Variants in UNC5D observed in about 807,000 individuals in gnomAD.
UNC5D encodes unc-5 netrin receptor D.
A neutral mutation model predicts 105.4 loss-of-function variants in UNC5D; 39 were observed. That is an observed-to-expected ratio of 0.37 (90% CI 0.29 to 0.48). The LOEUF (loss-of-function observed/expected upper bound fraction) is 0.48, where lower values mean the gene tolerates loss of function less well. Ranked by LOEUF, UNC5D falls within the 20% of genes least tolerant of loss-of-function variation. The probability of loss-of-function intolerance (pLI) is 0.98; values close to 1 mark genes in which losing one functional copy is unlikely to be tolerated. For missense variants in UNC5D, 991 were observed against 1,202.4 expected (o/e 0.82, Z 2.60); for synonymous variants, 452 against 450.4 (o/e 1.00, Z -0.04).
chr8:35,608,291 CA>C (rs1177670410), intron 4 of UNC5D, among the ~76,000 whole-genome samples: 1 of 152,136 alleles, frequency 6.6e-6, no homozygotes, highest in African/African-American at 2.4e-5. Context: ...TAGTTTAAAA[CA>C]GAAATTCTCG....
intron 1 of UNC5D, among the ~76,000 whole-genome samples, chr8:35,458,978 C>A (rs1034904075): frequency 7.9e-5 from 12 of 152,268 alleles, no homozygotes; most frequent in Middle Eastern, 6.8e-3. Flanking sequence ...ATAAAAACAA[C>A]TTTTCTCCTC....
intron 4 of UNC5D, among the ~76,000 whole-genome samples, chr8:35,655,772 C>G (rs1021808497): frequency 6.6e-6 from 1 of 152,110 alleles, no homozygotes; most frequent in Non-Finnish European, 1.5e-5. Flanking sequence ...TCCTTTCAGA[C>G]AGTATGGTGT....
At chr8:35,609,826 AT>A (rs1353505308) in intron 4 of UNC5D, among the ~76,000 whole-genome samples, 2 of 151,984 alleles carry the variant, frequency 1.3e-5, no homozygotes, top group African/African-American at 4.8e-5. Flanking sequence ...CTGGAAAGGG[AT>A]GTAGCTGGTG....
chr8:35,464,383 A>C (rs1809142856), intron 1 of UNC5D, among the ~76,000 whole-genome samples: 1 of 152,124 alleles, frequency 6.6e-6, no homozygotes, highest in Non-Finnish European at 1.5e-5. Flanking sequence ...TCTCTTGCCA[A>C]TAGTTTCAAA....
At chr8:35,522,428 G>T (rs146233869) in intron 1 of UNC5D, among the ~76,000 whole-genome samples, 170 of 152,202 alleles carry the variant, frequency 1.1e-3, no homozygotes, top group African/African-American at 3.8e-3. Flanking sequence ...GAACTCCAAG[G>T]GTTTATGAAG....
chr8:35,374,317 CT>C (rs1802574226), intron 1 of UNC5D, among the ~76,000 whole-genome samples: 1 of 152,098 alleles, frequency 6.6e-6, no homozygotes, highest in African/African-American at 2.4e-5. Flanking sequence ...TAAAGTTGTA[CT>C]GGTGAAAAGA....
chr8:35,736,128 C>T (rs896655271), intron 11 of UNC5D, among the ~76,000 whole-genome samples: 11 of 152,140 alleles, frequency 7.2e-5, no homozygotes, highest in Non-Finnish European at 1.6e-4. Flanking sequence ...AGGTAACACA[C>T]CCCCTCCTTC....
At chr8:35,316,896 C>T (rs1240943579) in intron 1 of UNC5D, among the ~76,000 whole-genome samples, 1 of 151,980 alleles carries the variant, frequency 6.6e-6, no homozygotes, top group African/African-American at 2.4e-5. Context: ...TTTATTTAAT[C>T]GTCGAAAGCA....
At chr8:35,436,282 C>T (rs546917934) in intron 1 of UNC5D, among the ~76,000 whole-genome samples, 46 of 151,922 alleles carry the variant, frequency 3.0e-4, no homozygotes, top group African/African-American at 1.1e-3. Context: ...TTGAAGTCTT[C>T]AGAAATATTA....
chr8:35,432,366 A>C (rs1182185535), intron 1 of UNC5D, among the ~76,000 whole-genome samples: 9 of 152,128 alleles, frequency 5.9e-5, no homozygotes, highest in African/African-American at 1.9e-4. Flanking sequence ...TAAATCAGAA[A>C]ATTATGGGAA....
chr8:35,239,484 C>T (rs1410929925), intron 1 of UNC5D, among the ~76,000 whole-genome samples: 1 of 131,016 alleles, frequency 7.6e-6, no homozygotes, highest in Non-Finnish European at 1.6e-5. Flanking sequence ...GTTTGATATC[C>T]TTCCCTTCTG....
intron 1 of UNC5D, among the ~76,000 whole-genome samples, chr8:35,503,060 C>A (rs528104126): frequency 6.6e-6 from 1 of 152,248 alleles, no homozygotes; most frequent in Admixed American, 6.5e-5. Context: ...ATCCCCAGAA[C>A]AACGGATTCA....
chr8:35,558,151 C>CCCCTTCCAA (rs1816693196), intron 2 of UNC5D, among the ~76,000 whole-genome samples: 1 of 147,678 alleles, frequency 6.8e-6, no homozygotes, highest in Admixed American at 6.9e-5. Context: ...AAAAAAGTCT[C>CCCCTTCCAA]CCCTTCCAAC....
chr8:35,443,228 G>A (rs1439836460), intron 1 of UNC5D, among the ~76,000 whole-genome samples: 1 of 151,760 alleles, frequency 6.6e-6, no homozygotes, highest in African/African-American at 2.4e-5. Context: ...GAGAACTTCT[G>A]TAAAATGTGT....
chr8:35,407,553 T>C (rs1329478011), intron 1 of UNC5D, among the ~76,000 whole-genome samples: 2 of 151,518 alleles, frequency 1.3e-5, no homozygotes, highest in African/African-American at 4.9e-5. Context: ...ATGTATTCCT[T>C]TTAAGTTCAG....
intron 1 of UNC5D, among the ~76,000 whole-genome samples, chr8:35,264,729 C>CAAAA (rs6150548): frequency 1.1e-4 from 15 of 142,552 alleles, no homozygotes; most frequent in Non-Finnish European, 1.5e-4. Context: ...GACTCTGTCT[C>CAAAA]AAAAAAAAAA....
chr8:35,435,208 G>A (rs976557026), intron 1 of UNC5D, among the ~76,000 whole-genome samples: 1 of 151,912 alleles, frequency 6.6e-6, no homozygotes, highest in Non-Finnish European at 1.5e-5. Context: ...TTGTTTTGAA[G>A]TATCTTAAAC....
At chr8:35,425,491 C>G (rs1806187395) in intron 1 of UNC5D, among the ~76,000 whole-genome samples, 2 of 152,172 alleles carry the variant, frequency 1.3e-5, no homozygotes, top group Admixed American at 1.3e-4. Flanking sequence ...CACTGCTGTG[C>G]TGGGTATACT....
intron 3 of UNC5D, among the ~76,000 whole-genome samples, chr8:35,588,298 G>A (rs981475926): frequency 2.6e-5 from 4 of 152,010 alleles, no homozygotes; most frequent in African/African-American, 9.7e-5. Context: ...CAAGCATTTT[G>A]CAGAGACTTG....
Sources: gnomAD v4.1 joint callset for allele counts (sites outside exome capture counted in the v4.1 genomes callset) on GRCh38, gnomAD v4.1.1 for gene constraint, MANE v1.5 for transcripts, NCBI Gene and HGNC (gene_info 2026-07-23, HGNC 2026-07-21) for gene names.